The following PDE4B variants were observed in gnomAD, a reference collection of about 807,000 sequenced individuals.
PDE4B encodes the protein 3',5'-cyclic-AMP phosphodiesterase 4B.
A neutral mutation model predicts 82.2 loss-of-function variants in PDE4B; 20 were observed. The observed-to-expected ratio is 0.24, with a 90% CI of 0.17 to 0.35. PDE4B has a LOEUF of 0.35. PDE4B is among the 10% of genes least tolerant of loss of function. The pLI, the probability that PDE4B is intolerant of heterozygous loss-of-function variation, is 1.00. For missense variants in PDE4B, 655 were observed against 907.2 expected (o/e 0.72, Z 3.57); for synonymous variants, 320 against 318.9 (o/e 1.00, Z -0.04).
chr1:66,081,367 T>C (rs1417429693), intron 3 of PDE4B, among the ~76,000 whole-genome samples: 7 of 152,134 alleles, frequency 4.6e-5, no homozygotes, highest in Non-Finnish European at 8.8e-5. Flanking sequence ...GAATCTTACA[T>C]AGATGATATT....
intron 3 of PDE4B, among the ~76,000 whole-genome samples, chr1:66,032,814 C>T (rs535269503): frequency 3.2e-4 from 49 of 152,158 alleles, no homozygotes; most frequent in Non-Finnish European, 5.4e-4. Flanking sequence ...GCCACCACGC[C>T]CGGCTAATTT....
intron 3 of PDE4B, among the ~76,000 whole-genome samples, chr1:65,935,969 C>T (rs1470012237): frequency 6.6e-6 from 1 of 152,056 alleles, no homozygotes; most frequent in Non-Finnish European, 1.5e-5. Context: ...ACAACAACAA[C>T]AACAAAAACA....
chr1:65,933,622 C>A (rs1647962142), intron 3 of PDE4B, among the ~76,000 whole-genome samples: 1 of 151,824 alleles, frequency 6.6e-6, no homozygotes, highest in Non-Finnish European at 1.5e-5. Flanking sequence ...GAGCCGAGAT[C>A]ATCGTGCCAT....
At chr1:65,918,543 A>G in intron 2 of PDE4B, 54 bp from the exon 3 acceptor site, 2 of 1,062,758 alleles carry the variant, frequency 1.9e-6, no homozygotes, top group East Asian at 2.4e-5. Context: ...TCCATTTAAC[A>G]TTTGAATTTC....
intron 1 of PDE4B, among the ~76,000 whole-genome samples, chr1:65,838,524 TG>T (rs1372262594): frequency 6.8e-6 from 1 of 148,112 alleles, no homozygotes; most frequent in Admixed American, 6.8e-5. Flanking sequence ...TATATGTATA[TG>T]TATATATATG....
chr1:66,179,058 G>A (rs1001843810), intron 3 of PDE4B, among the ~76,000 whole-genome samples: 3 of 152,066 alleles, frequency 2.0e-5, no homozygotes, highest in Admixed American at 2.0e-4. Flanking sequence ...CACCATGTTG[G>A]CCAGGCTGGT....
At chr1:66,276,938 A>G (rs747836729) in intron 7 of PDE4B, among the ~76,000 whole-genome samples, 17 of 152,232 alleles carry the variant, frequency 1.1e-4, no homozygotes, top group Non-Finnish European at 2.2e-4. Context: ...AAGCATTTAG[A>G]ACACGCCTGG....
intron 3 of PDE4B, among the ~76,000 whole-genome samples, chr1:66,098,554 G>T (rs1280066021): frequency 6.6e-6 from 1 of 152,106 alleles, no homozygotes; most frequent in African/African-American, 2.4e-5. Flanking sequence ...TATGCAGCCT[G>T]AGTTTTTCCT....
chr1:66,011,246 G>T (rs1652471391), intron 3 of PDE4B, among the ~76,000 whole-genome samples: 1 of 149,614 alleles, frequency 6.7e-6, no homozygotes, highest in Admixed American at 6.7e-5. Flanking sequence ...AAAAGAACTG[G>T]TGAGTTCTTT....
intron 3 of PDE4B, among the ~76,000 whole-genome samples, chr1:66,096,118 C>A (rs550974372): frequency 6.6e-6 from 1 of 151,762 alleles, no homozygotes; most frequent in South Asian, 2.1e-4. Flanking sequence ...TGACTTATTT[C>A]CCCTATCTAG....
intron 1 of PDE4B, among the ~76,000 whole-genome samples, chr1:65,909,876 G>T (rs529313159): frequency 6.6e-6 from 1 of 152,226 alleles, no homozygotes; most frequent in East Asian, 1.9e-4. Flanking sequence ...AGGGAGCATG[G>T]CTCCAGGAAA....
At position 66,371,212 on chromosome 1, in the gene PDE4B, A is replaced by G. The variant is rs930147222; in HGVS notation, c.1846-1101A>G. ...CTTGGATGTATTAAATGACTGGCCA[A>G]TTACCAACATGTTAATAAAGGAAAG... On this transcript the variant is annotated intron_variant, in intron 16 of 16. Coordinates refer to ENST00000341517, the MANE Select transcript of PDE4B (RefSeq NM_002600.4). 3.3e-5 allele frequency among the ~76,000 whole-genome samples: 5 copies of G among 149,704 alleles called. No individual in the cohort carries two copies. In the East Asian group the frequency reaches 9.9e-4, roughly 30 times the overall value.
rs1216753622 is a variant in PDE4B, at chr1:65,863,698, T to C, written c.-70-49547T>C. On this transcript the variant is annotated intron_variant, in intron 1 of 16. Transcript: ENST00000341517. ...TGAATCTGGGTGCTCCTGTATTCAGTGCATGCATATTTAGGATAGTTAGCT... is the reference window on the plus strand; with the variant it reads ...TGAATCTGGGTGCTCCTGTATTCAGCGCATGCATATTTAGGATAGTTAGCT... 3.3e-5 allele frequency among the ~76,000 whole-genome samples: 5 copies of C among 152,250 alleles called. No individual in the cohort carries two copies. The East Asian group carries it at 7.7e-4, about 23-fold the overall frequency.
intron 3 of PDE4B, among the ~76,000 whole-genome samples, chr1:66,120,980 G>T (rs1005680654): frequency 6.6e-6 from 1 of 152,126 alleles, no homozygotes; most frequent in African/African-American, 2.4e-5. Context: ...GATTATGCAT[G>T]TGTCCCCATA....
At chr1:66,329,527 A>G (rs11810953) in intron 7 of PDE4B, among the ~76,000 whole-genome samples, 200 of 152,260 alleles carry the variant, frequency 1.3e-3, no homozygotes, top group African/African-American at 4.7e-3. Flanking sequence ...TTCTTACTGT[A>G]AAATCCCTTA....
intron 1 of PDE4B, among the ~76,000 whole-genome samples, chr1:65,795,036 A>G (rs1228140952): frequency 6.6e-6 from 1 of 152,226 alleles, no homozygotes; most frequent in East Asian, 1.9e-4. Context: ...TTGAGGAATA[A>G]GAAATCAATC....
chr1:65,913,966 G>A (rs1405244777), intron 2 of PDE4B, among the ~76,000 whole-genome samples: 1 of 152,154 alleles, frequency 6.6e-6, no homozygotes, highest in East Asian at 1.9e-4. Context: ...ATCATCTGAA[G>A]AAATCTGTAA....
At chr1:66,270,668 A>G (rs1314747377) in intron 7 of PDE4B, among the ~76,000 whole-genome samples, 1 of 152,246 alleles carries the variant, frequency 6.6e-6, no homozygotes, top group Non-Finnish European at 1.5e-5. Context: ...ACATTAAGCA[A>G]GAACTGTCAG....
At chr1:66,083,451 G>T (rs1217322278) in intron 3 of PDE4B, among the ~76,000 whole-genome samples, 1 of 152,044 alleles carries the variant, frequency 6.6e-6, no homozygotes, top group African/African-American at 2.4e-5. Context: ...TGCTTAAGGG[G>T]TGCTAGGTAT....
Sources: gnomAD v4.1 joint callset for allele counts (sites outside exome capture counted in the v4.1 genomes callset) on GRCh38, gnomAD v4.1.1 for gene constraint, MANE v1.5 for transcripts, NCBI Gene and HGNC (gene_info 2026-07-23, HGNC 2026-07-21) for gene names.